The following CWH43 variants were observed in gnomAD, a reference collection of about 807,000 sequenced individuals.
CWH43 encodes the protein PGAP2-interacting protein.
A neutral mutation model predicts 85.7 loss-of-function variants in CWH43; 91 were observed. The ratio of observed to expected loss-of-function variants is 1.06; its 90% CI spans 0.90 to 1.26. The LOEUF (loss-of-function observed/expected upper bound fraction) is 1.26. CWH43 is among the 50% of genes most tolerant of loss of function. CWH43 has a pLI of 0.00. For missense variants in CWH43, 869 were observed against 839.2 expected, an observed-to-expected ratio of 1.04 and a Z score of -0.44; for synonymous variants, 323 against 293.6, an observed-to-expected ratio of 1.10 and a Z score of -1.02.
chr4:49,051,860 A>G (rs1315008247), intron 15 of CWH43, among the ~76,000 whole-genome samples: 1 of 152,206 alleles, frequency 6.6e-6, no homozygotes, highest in Non-Finnish European at 1.5e-5. Context: ...TACAGGTGTG[A>G]GCCACCGTGC....
intron 13 of CWH43, among the ~76,000 whole-genome samples, 162 bp downstream of exon 13, chr4:49,038,342 A>G (rs1038812689): frequency 9.9e-5 from 15 of 152,214 alleles, no homozygotes; most frequent in Admixed American, 2.6e-4. Context: ...AACAGCAATC[A>G]TCTATTTGCT....
In CWH43 at chr4:48,992,001, C is replaced by T. The variant is rs1299625658; in HGVS notation, c.422C>T (p.Thr141Ile). 1 of 1,613,794 alleles carries T rather than the reference C, an allele frequency of 6.2e-7. No individual in the cohort carries two copies. Among genetic ancestry groups the T allele is most frequent in the African/African-American group, 1.3e-5 (1 of 75,046 alleles). Residue 141 changes from threonine to isoleucine, a missense_variant, in exon 4 of 16, where the codon ACT becomes ATT. This residue lies in a region of CWH43 where 152 missense variants were observed against 203.6 expected (regional missense o/e 0.75). Transcript: ENST00000226432. This position sits in a 1 kb window ranked among gnomAD's most constrained non-coding sequence, Gnocchi z 4.3. ...CTTGTTGTTCTACGCATATGGTATA[C>T]TTCACTAAACCCAATCTGGAGTTAT... ...IVLVVLRIWY[T>I]SLNPIWSYQM...
chr4:49,022,750 T>C (rs572405637), intron 9 of CWH43, among the ~76,000 whole-genome samples: 2 of 152,296 alleles, frequency 1.3e-5, no homozygotes, highest in South Asian at 4.1e-4. Flanking sequence ...GTTCAGAGTT[T>C]CTATTTTTTC....
At chr4:49,028,813 A>C in intron 10 of CWH43, 79 bp downstream of exon 10, 1 of 883,020 alleles carries the variant, frequency 1.1e-6, no homozygotes. Context: ...CATAAGCCAT[A>C]ACTTAATGCA....
At position 48,992,498 on chromosome 4, in the gene CWH43, T is replaced by C. The variant is rs754650464; in HGVS notation, c.511+408T>C. Among the ~76,000 whole-genome samples, 66 of 152,342 alleles carry C rather than the reference T, an allele frequency of 4.3e-4. No homozygotes were observed. Among genetic ancestry groups the C allele is most frequent in the Non-Finnish European group, 8.5e-4 (58 of 68,028 alleles). On this transcript the variant is annotated intron_variant, in intron 4 of 15. Transcript: ENST00000226432. This position sits in a 1 kb window ranked among gnomAD's most constrained non-coding sequence, Gnocchi z 4.3. ...CACTAAGGAAAGTTTCTGTCACGTA[T>C]GGCTGTCACTGGAACTCCCTGGGTT... is the stretch of plus-strand genomic sequence containing the variant.
intron 11 of CWH43, among the ~76,000 whole-genome samples, chr4:49,031,567 A>G (rs181089849): frequency 6.6e-6 from 1 of 152,306 alleles, no homozygotes; most frequent in East Asian, 1.9e-4. Flanking sequence ...ACCTGATCAT[A>G]GAGAGCTCCA....
Position 49,061,864 on chromosome 4 carries a change from A to G in CWH43, c.2074A>G (p.Met692Val), listed in dbSNP as rs1356203523. The G allele has an allele frequency of 2.2e-6, 3 of 1,390,664 alleles. No individual in the cohort carries two copies. The highest frequency in any genetic ancestry group is 5.3e-5 in the East Asian group (2 of 37,422). 86.1% of individuals were successfully genotyped at this position (1,390,664 alleles called of 1,614,324 possible). A position where few individuals can be genotyped will look rare whatever the true frequency, so the allele number is the denominator to read the frequency against. ...TTATGAAAACAACCATCATTTTCAT[A>G]TGAATACTCCCAAATACTTTTTATG... ...HNYENNHHFH[M>V]NTPKYFL Residue 692 changes from methionine to valine, a missense_variant, in exon 16 of 16, where the codon ATG (methionine) becomes GTG (valine). This residue lies in a region of CWH43 where 577 missense variants were observed against 513.1 expected (regional missense o/e 1.12). Coordinates refer to ENST00000226432, the MANE Select transcript of CWH43 (RefSeq NM_025087.3).
In CWH43 at chr4:49,040,304, T is replaced by C. The variant is rs532077763; in HGVS notation, c.1803+2124T>C. ...TCAAATGGTATTTCTAGTTCTAGAT[T>C]CCTGAGGAATCGCCACACTGACTTC... On this transcript the variant is annotated intron_variant, in intron 13 of 15. Coordinates refer to ENST00000226432, the MANE Select transcript of CWH43 (RefSeq NM_025087.3). Among the ~76,000 whole-genome samples the C allele has an allele frequency of 3.0e-3, 453 of 152,288 alleles. 3 individuals carry two copies. The highest frequency in any genetic ancestry group is 0.01 in the African/African-American group (433 of 41,568).
At chr4:49,044,178 C>A (rs190414534) in intron 13 of CWH43, among the ~76,000 whole-genome samples, 1 of 152,134 alleles carries the variant, frequency 6.6e-6, no homozygotes, top group African/African-American at 2.4e-5. Context: ...TGTTTCTGTT[C>A]TCTTTCTTTG....
intron 13 of CWH43, among the ~76,000 whole-genome samples, chr4:49,040,583 T>G (rs1186602254): frequency 6.6e-6 from 1 of 152,212 alleles, no homozygotes; most frequent in Non-Finnish European, 1.5e-5. Flanking sequence ...CACTTTTTGA[T>G]GGGGTTGTTT....
chr4:49,024,031 T>G (rs1414774236), intron 9 of CWH43, among the ~76,000 whole-genome samples: 2 of 152,238 alleles, frequency 1.3e-5, no homozygotes, highest in African/African-American at 4.8e-5. Context: ...GTTCCAGTGT[T>G]AGGTGCATAT....
intron 12 of CWH43, among the ~76,000 whole-genome samples, chr4:49,035,924 T>C (rs2605239): frequency 0.61 from 92,377 of 151,974 alleles, 30,678 homozygotes; most frequent in Middle Eastern, 0.79. Context: ...TCAGAAGGAA[T>C]AGAATTCCCT....
chr4:49,030,766 A>G (rs767771706), intron 10 of CWH43, 59 bp from the exon 11 acceptor site: 61 of 1,455,118 alleles, frequency 4.2e-5, no homozygotes, highest in Non-Finnish European at 5.3e-5. Flanking sequence ...AAGTGTTGCT[A>G]ATTGTTTTTT....
At chr4:49,043,112 C>T (rs1189677352) in intron 13 of CWH43, among the ~76,000 whole-genome samples, 1 of 152,156 alleles carries the variant, frequency 6.6e-6, no homozygotes, top group African/African-American at 2.4e-5. Context: ...GGGAAAGTTA[C>T]TTAGCCTTTC....
At chr4:49,046,417 A>C (rs539943659) in intron 14 of CWH43, among the ~76,000 whole-genome samples, 1 of 152,322 alleles carries the variant, frequency 6.6e-6, no homozygotes, top group South Asian at 2.1e-4. Flanking sequence ...TAGGAAAAAA[A>C]CAAAATCCTT....
chr4:49,027,723 C>T (rs1055567169), intron 9 of CWH43, among the ~76,000 whole-genome samples: 1 of 152,072 alleles, frequency 6.6e-6, no homozygotes, highest in Non-Finnish European at 1.5e-5. Context: ...TTAAAATATA[C>T]GATTAAGTTA....
At chr4:48,997,070 A>G (rs1782837649) in intron 5 of CWH43, among the ~76,000 whole-genome samples, 1 of 152,218 alleles carries the variant, frequency 6.6e-6, no homozygotes, top group African/African-American at 2.4e-5. Flanking sequence ...GGTTTCCTAA[A>G]GTTATTTGAA....
chr4:49,007,483 T>A lies in CWH43; in HGVS notation c.1186+157T>A, dbSNP rs181367445. On this transcript the variant is annotated intron_variant, in intron 8 of 15. Transcript: ENST00000226432. Reference sequence around the variant, plus strand: ...TAATAGCTATCTTCTCTAGTTTTTTTAAAAAATTATACTTTAAGTTCTAGG... The same window carrying A: ...TAATAGCTATCTTCTCTAGTTTTTTAAAAAAATTATACTTTAAGTTCTAGG... Among the ~76,000 whole-genome samples, 327 of 152,308 alleles carry A rather than the reference T, an allele frequency of 2.1e-3. 2 individuals are homozygous for A. Among genetic ancestry groups the A allele is most frequent in the African/African-American group, 5.8e-3 (243 of 41,572 alleles).
At chr4:49,042,714 T>C (rs1344074620) in intron 13 of CWH43, among the ~76,000 whole-genome samples, 3 of 152,118 alleles carry the variant, frequency 2.0e-5, no homozygotes, top group Non-Finnish European at 4.4e-5. Flanking sequence ...ACATTGAATG[T>C]GGCTATCATG....
Sources: allele counts gnomAD v4.1 joint callset (sites outside exome capture counted in the v4.1 genomes callset), GRCh38; gene constraint gnomAD v4.1.1; regional missense constraint gnomAD v4.1.1; non-coding constraint Gnocchi (gnomAD v3.1); transcripts MANE v1.5; gene names NCBI Gene and HGNC (gene_info 2026-07-23, HGNC 2026-07-21).